DAB1: variants seen among roughly 807,000 people sequenced by gnomAD.
The protein encoded by DAB1 is DAB adaptor protein 1.
In DAB1, 15 loss-of-function variants were observed where a neutral mutation model predicts 64.6. That is an observed-to-expected ratio of 0.23 (90% CI 0.16 to 0.36). DAB1 has a LOEUF of 0.36. Among genes scored for constraint, DAB1 ranks in the 10% least tolerant of loss-of-function variants. DAB1 has a pLI of 1.00. For synonymous variants in DAB1, 235 were observed against 251.9 expected (o/e 0.93, Z 0.64); for missense variants, 596 against 706.7 (o/e 0.84, Z 1.78).
intron 6 of DAB1, among the ~76,000 whole-genome samples, chr1:57,659,978 A>AAAAT (rs55782137): frequency 0.63 from 87,691 of 138,488 alleles, 30,016 homozygotes; most frequent in Non-Finnish European, 0.76. Context: ...CTCTCTCTCA[A>AAAAT]AAATAAATAA....
At chr1:57,558,698 T>C (rs189096109) in intron 7 of DAB1, among the ~76,000 whole-genome samples, 48 of 152,226 alleles carry the variant, frequency 3.2e-4, no homozygotes, top group African/African-American at 1.1e-3. Context: ...GCTTGGGGAG[T>C]TAAAAAACAT....
intron 1 of DAB1, among the ~76,000 whole-genome samples, chr1:57,333,454 CCATGCTGGG>C (rs1372016683): frequency 2.0e-5 from 3 of 152,210 alleles, no homozygotes; most frequent in Non-Finnish European, 4.4e-5. Flanking sequence ...GGATGTAGCC[CCATGCTGGG>C]CACATTAAAT....
intron 1 of DAB1, among the ~76,000 whole-genome samples, chr1:57,302,208 T>A (rs1168259529): frequency 6.6e-6 from 1 of 152,142 alleles, no homozygotes; most frequent in Non-Finnish European, 1.5e-5. Context: ...GCAATAACCG[T>A]GTTTTCCTGA....
intron 1 of DAB1, among the ~76,000 whole-genome samples, chr1:57,421,902 C>CGGGGGGGGGGGGGGGGGGGGG (rs1309675216): frequency 8.5e-5 from 1 of 11,710 alleles, no homozygotes; most frequent in Non-Finnish European, 1.7e-4. Context: ...TGGGGGGTGG[C>CGGGGGGGGGGGGGGGGGGGGG]GGGGGGGGGG....
At chr1:57,037,395 G>A (rs923905772) in intron 9 of DAB1, among the ~76,000 whole-genome samples, 1 of 152,194 alleles carries the variant, frequency 6.6e-6, no homozygotes, top group African/African-American at 2.4e-5. Context: ...GAGCTATGCT[G>A]TATAATCTTT....
At chr1:57,922,771 G>A (rs893733757) in intron 5 of DAB1, among the ~76,000 whole-genome samples, 114 of 148,354 alleles carry the variant, frequency 7.7e-4, no homozygotes, top group Admixed American at 3.5e-3. Flanking sequence ...GCATGAACCC[G>A]GGAGGCAGAG....
chr1:57,160,489 G>T (rs557869864), intron 2 of DAB1, among the ~76,000 whole-genome samples: 38 of 152,300 alleles, frequency 2.5e-4, no homozygotes, highest in African/African-American at 9.1e-4. Context: ...AAATAGGACT[G>T]CATGAGACAG....
At chr1:57,342,500 A>T (rs940063905) in intron 1 of DAB1, among the ~76,000 whole-genome samples, 2 of 152,258 alleles carry the variant, frequency 1.3e-5, no homozygotes, top group Non-Finnish European at 2.9e-5. Context: ...AAAAAATAAA[A>T]GCAATAAGCA....
chr1:57,601,961 G>T (rs901303271), intron 7 of DAB1, among the ~76,000 whole-genome samples: 1 of 152,112 alleles, frequency 6.6e-6, no homozygotes, highest in Non-Finnish European at 1.5e-5. Context: ...GAACAAATGG[G>T]CCTGATTCCA....
At chr1:57,411,468 G>A (rs1197885741) in intron 1 of DAB1, among the ~76,000 whole-genome samples, 2 of 152,220 alleles carry the variant, frequency 1.3e-5, no homozygotes, top group Non-Finnish European at 2.9e-5. Flanking sequence ...AATAACTGTG[G>A]TCTATCCGAA....
intron 1 of DAB1, among the ~76,000 whole-genome samples, chr1:57,855,190 G>T (rs1653698542): frequency 6.6e-6 from 1 of 151,980 alleles, no homozygotes; most frequent in African/African-American, 2.4e-5. Flanking sequence ...TGAGGGGGAG[G>T]GGTGCAGTGA....
chr1:57,719,463 G>C (rs1647125766), intron 6 of DAB1, among the ~76,000 whole-genome samples: 1 of 152,198 alleles, frequency 6.6e-6, no homozygotes, highest in African/African-American at 2.4e-5. Flanking sequence ...GTTTGGCTCT[G>C]TGTCCTCACC....
At chr1:57,774,195 T>C (rs949164378) in intron 6 of DAB1, among the ~76,000 whole-genome samples, 1 of 151,898 alleles carries the variant, frequency 6.6e-6, no homozygotes, top group Non-Finnish European at 1.5e-5. Flanking sequence ...ATTTTCATTA[T>C]ATAGGTCTAG....
At chr1:57,593,265 C>T (rs1645467266) in intron 7 of DAB1, among the ~76,000 whole-genome samples, 1 of 152,172 alleles carries the variant, frequency 6.6e-6, no homozygotes, top group Non-Finnish European at 1.5e-5. Context: ...CACTGTTTGC[C>T]CTTTTGTGGC....
chr1:57,564,959 A>G (rs1221473505), intron 7 of DAB1, among the ~76,000 whole-genome samples: 2 of 152,182 alleles, frequency 1.3e-5, no homozygotes, highest in African/African-American at 4.8e-5. Flanking sequence ...AGCAACTCCA[A>G]GACACATAAT....
chr1:57,697,386 A>G (rs1646856975), intron 6 of DAB1, among the ~76,000 whole-genome samples: 1 of 135,986 alleles, frequency 7.4e-6, no homozygotes, highest in South Asian at 2.6e-4. Context: ...CTGCCTTGTG[A>G]TAGTTCACCA....
At chr1:57,629,293 C>T (rs1313549831) in intron 7 of DAB1, among the ~76,000 whole-genome samples, 5 of 152,144 alleles carry the variant, frequency 3.3e-5, no homozygotes, top group East Asian at 1.9e-4. Context: ...CAGCTATTTG[C>T]GCCTTGACAG....
intron 4 of DAB1, among the ~76,000 whole-genome samples, chr1:57,074,957 T>C (rs1188666409): frequency 6.6e-6 from 1 of 152,234 alleles, no homozygotes; most frequent in Non-Finnish European, 1.5e-5. Flanking sequence ...AGATTTACAT[T>C]CGCACAACAT....
At chr1:57,845,846 A>T (rs1653256307) in intron 1 of DAB1, among the ~76,000 whole-genome samples, 1 of 152,236 alleles carries the variant, frequency 6.6e-6, no homozygotes, top group African/African-American at 2.4e-5. Context: ...TAGCCCTGCC[A>T]TCTAAAGCCA....
Sources: allele counts gnomAD v4.1 joint callset (sites outside exome capture counted in the v4.1 genomes callset), GRCh38; gene constraint gnomAD v4.1.1; transcripts MANE v1.5; gene names NCBI Gene and HGNC (gene_info 2026-07-23, HGNC 2026-07-21).